PPFIA2: variants seen among roughly 807,000 people sequenced by gnomAD.
PPFIA2 encodes the protein PPFI scaffold protein A2, also known as liprin-alpha-2.
PPFIA2 carries 46 observed loss-of-function variants against 175.5 expected under a neutral mutation model. The observed-to-expected ratio is 0.26, with a 90% CI of 0.21 to 0.34. PPFIA2 has a LOEUF of 0.34. PPFIA2 is among the 10% of genes least tolerant of loss of function. The pLI is 1.00. For synonymous variants in PPFIA2, 568 were observed against 511.4 expected, an observed-to-expected ratio of 1.11 and a Z score of -1.49; for missense variants, 1,179 against 1,506.1, an observed-to-expected ratio of 0.78 and a Z score of 3.60.
rs1175436391 is a variant in PPFIA2, at chr12:81,553,430, A to G, written c.304-95564T>C. Among the ~76,000 whole-genome samples, 6 of 152,156 alleles carry G rather than the reference A, an allele frequency of 3.9e-5. No homozygotes were observed. The East Asian group carries it at 1.2e-3, about 29-fold the overall frequency. On this transcript the variant is annotated intron_variant, in intron 4 of 32. Transcript: ENST00000549396. ...TTGTCCTACTCCCATCAAGATGAAG[A>G]CTGGACTTCATTTCTTTGAATCTTA...
At chr12:81,453,832 A>G (rs570129316) in intron 5 of PPFIA2, among the ~76,000 whole-genome samples, 1 of 152,330 alleles carries the variant, frequency 6.6e-6, no homozygotes, top group African/African-American at 2.4e-5. Flanking sequence ...ATACATGGCC[A>G]GGACATACAT....
At chr12:81,592,226 G>T (rs2058749046) in intron 4 of PPFIA2, among the ~76,000 whole-genome samples, 1 of 152,072 alleles carries the variant, frequency 6.6e-6, no homozygotes, top group East Asian at 1.9e-4. Flanking sequence ...GTGCCCCCAT[G>T]GTATTTAGGA....
At chr12:81,436,286 A>T (rs1299416652) in intron 7 of PPFIA2, among the ~76,000 whole-genome samples, 3 of 49,508 alleles carry the variant, frequency 6.1e-5, no homozygotes, top group African/African-American at 1.0e-4. Flanking sequence ...GTCTAAAAAA[A>T]AAAAAAAAAA....
intron 4 of PPFIA2, among the ~76,000 whole-genome samples, chr12:81,575,373 A>G (rs542628913): frequency 2.6e-5 from 4 of 151,976 alleles, no homozygotes; most frequent in African/African-American, 9.6e-5. Context: ...CAGCCAACCA[A>G]TGCAAGCATA....
At chr12:81,635,928 A>T (rs1262612299) in intron 4 of PPFIA2, among the ~76,000 whole-genome samples, 2 of 152,096 alleles carry the variant, frequency 1.3e-5, no homozygotes, top group African/African-American at 4.8e-5. Context: ...TCTCACACAC[A>T]CACACACACA....
intron 4 of PPFIA2, among the ~76,000 whole-genome samples, chr12:81,579,099 A>C (rs1289632675): frequency 6.6e-6 from 1 of 151,820 alleles, no homozygotes; most frequent in African/African-American, 2.4e-5. Flanking sequence ...GGTCATAAGC[A>C]AGTGCTTTCT....
At chr12:81,318,820 TTAAATGCAATA>T (rs1236391176) in intron 22 of PPFIA2, among the ~76,000 whole-genome samples, 1 of 151,720 alleles carries the variant, frequency 6.6e-6, no homozygotes, top group Non-Finnish European at 1.5e-5. Flanking sequence ...CCTGAAATAC[TTAAATGCAATA>T]ATTAGTTTTC....
intron 3 of PPFIA2, among the ~76,000 whole-genome samples, chr12:81,714,667 T>C (rs992262524): frequency 2.6e-5 from 4 of 151,036 alleles, no homozygotes; most frequent in African/African-American, 4.8e-5. Flanking sequence ...ATGAAAGTGG[T>C]TATTTTGTTA....
At chr12:81,690,912 T>G (rs1313139281) in intron 3 of PPFIA2, among the ~76,000 whole-genome samples, 2 of 152,106 alleles carry the variant, frequency 1.3e-5, no homozygotes, top group African/African-American at 2.4e-5. Flanking sequence ...AGTTCTATGT[T>G]CACATCTCTT....
chr12:81,543,194 C>T (rs11610636), intron 4 of PPFIA2, among the ~76,000 whole-genome samples: 64,503 of 151,888 alleles, frequency 0.42, 14,263 homozygotes, highest in Middle Eastern at 0.5. Flanking sequence ...TAAAGATCCA[C>T]GGAGAAATAG....
chr12:81,286,814 T>C (rs1270537364), intron 24 of PPFIA2, among the ~76,000 whole-genome samples: 1 of 152,036 alleles, frequency 6.6e-6, no homozygotes, highest in African/African-American at 2.4e-5. Flanking sequence ...TTCTACTGTT[T>C]TGGAATTTAG....
At chr12:81,625,030 T>C (rs527554752) in intron 4 of PPFIA2, among the ~76,000 whole-genome samples, 7 of 151,850 alleles carry the variant, frequency 4.6e-5, no homozygotes, top group South Asian at 2.1e-4. Context: ...TATGGCAGTA[T>C]GGGAAATGTC....
At chr12:81,750,100 G>A (rs1489235662) in intron 3 of PPFIA2, among the ~76,000 whole-genome samples, 2 of 143,424 alleles carry the variant, frequency 1.4e-5, no homozygotes, top group Non-Finnish European at 3.1e-5. Flanking sequence ...ATGTACTTAG[G>A]GTTCAGAAAA....
At chr12:81,689,259 C>T (rs1419411585) in intron 3 of PPFIA2, among the ~76,000 whole-genome samples, 3 of 151,868 alleles carry the variant, frequency 2.0e-5, no homozygotes, top group Non-Finnish European at 4.4e-5. Context: ...AAGAAATTCA[C>T]CAAGTTCTAA....
At chr12:81,404,908 A>G (rs1308531393) in intron 8 of PPFIA2, among the ~76,000 whole-genome samples, 3 of 152,198 alleles carry the variant, frequency 2.0e-5, no homozygotes, top group African/African-American at 4.8e-5. Context: ...GACATTTTCA[A>G]TTACAGCAAT....
intron 4 of PPFIA2, among the ~76,000 whole-genome samples, chr12:81,533,692 AATCTATCTATCTATCT>A (rs5799538): frequency 9.7e-5 from 14 of 144,422 alleles, no homozygotes; most frequent in Middle Eastern, 3.8e-3. Context: ...TAAATTCACA[AATCTATCTATCTATCT>A]ATCTATCTAT....
chr12:81,648,855 G>A (rs954911033), intron 4 of PPFIA2, among the ~76,000 whole-genome samples: 1 of 151,568 alleles, frequency 6.6e-6, no homozygotes, highest in African/African-American at 2.4e-5. Flanking sequence ...ACTTGATTTT[G>A]GCAAAATACT....
At chr12:81,535,384 A>T in intron 4 of PPFIA2, 1 of 455,366 alleles carries the variant, frequency 2.2e-6, no homozygotes, top group Middle Eastern at 3.3e-4. Flanking sequence ...CCAGCACTGG[A>T]TTTCAGAACA....
chr12:81,330,823 A>C (rs2055959968), intron 21 of PPFIA2, among the ~76,000 whole-genome samples: 1 of 152,230 alleles, frequency 6.6e-6, no homozygotes, highest in Non-Finnish European at 1.5e-5. Flanking sequence ...TGAATTTATA[A>C]ATTGTTACTT....
Sources: gnomAD v4.1 joint callset for allele counts (sites outside exome capture counted in the v4.1 genomes callset) on GRCh38, gnomAD v4.1.1 for gene constraint, MANE v1.5 for transcripts, NCBI Gene and HGNC (gene_info 2026-07-23, HGNC 2026-07-21) for gene names.